PODNL1: variants seen among roughly 807,000 people sequenced by gnomAD.
The protein encoded by PODNL1 is podocan like 1, also known as podocan-like protein 1.
Under a neutral mutation model 45.1 loss-of-function variants are expected in PODNL1, and 50 were observed. That is an observed-to-expected ratio of 1.11 (90% CI 0.88 to 1.40). The LOEUF (loss-of-function observed/expected upper bound fraction) is 1.40. PODNL1 is among the 40% of genes most tolerant of loss of function. The pLI is 0.00. For missense variants in PODNL1, 788 were observed against 793.3 expected (o/e 0.99, Z 0.08); for synonymous variants, 406 against 372.5 (o/e 1.09, Z -1.04).
chr19:13,952,489 C>T, intron 1 of PODNL1: 1 of 1,248,372 alleles, frequency 8.0e-7, no homozygotes, highest in Non-Finnish European at 1.0e-6. Context: ...CCGGTTGCTC[C>T]GGAAGTGGAG....
In PODNL1 at chr19:13,933,979, G is replaced by A. The variant is rs1189844789; in HGVS notation, c.666C>T (p.Ser222=). The A allele has an allele frequency of 6.2e-7, 1 of 1,607,624 alleles. No individual in the cohort carries two copies. Among genetic ancestry groups the A allele is most frequent in the Non-Finnish European group, 8.5e-7 (1 of 1,177,102 alleles). The change falls in exon 7 of 10, where the codon TCC becomes TCT. Residue 222 remains serine (S), a synonymous_variant. Transcript: ENST00000588872. This position sits in a 1 kb window ranked among gnomAD's most constrained non-coding sequence, Gnocchi z 5.2. ...ERLHLQNNLI[S]KVPRGALSRQ... is the part of the protein sequence containing the mutation. ...GGCTCAGGGCTCCTCGGGGCACCTT[G>A]GAGATGAGATTGTTCTGGAGAAGGA... is the stretch of plus-strand genomic sequence containing the variant.
At position 13,933,954 on chromosome 19, in the gene PODNL1, G is replaced by C. The variant is rs769372578; in HGVS notation, c.691C>G (p.Arg231Gly). Reference protein sequence around the residue: ...ISKVPRGALSRQTQLRELYLQ... With the variant: ...ISKVPRGALSGQTQLRELYLQ... Reference sequence around the variant, plus strand: ...TAGAGCTCACGGAGTTGAGTCTGGCGGCTCAGGGCTCCTCGGGGCACCTTG... The same window carrying C: ...TAGAGCTCACGGAGTTGAGTCTGGCCGCTCAGGGCTCCTCGGGGCACCTTG... The change falls in exon 7 of 10, where the codon CGC becomes GGC. Residue 231 changes from arginine to glycine, a missense_variant. Physicochemically the swap from Arg to Gly is moderately radical, Grantham distance 125. Coordinates refer to ENST00000588872, the MANE Select transcript of PODNL1 (RefSeq NM_001370095.3). The surrounding 1 kb of genome is among the most constrained non-coding windows in gnomAD (Gnocchi z 5.2). The C allele has an allele frequency of 1.2e-6, 2 of 1,612,128 alleles. No individual in the cohort carries two copies. The highest frequency in any genetic ancestry group is 2.2e-5 in the East Asian group (1 of 44,828).
In PODNL1 at chr19:13,932,032, G is replaced by T. The variant is rs1971977785; in HGVS notation, c.1506C>A (p.Gly502=). 2 of 1,232,284 alleles carry T rather than the reference G, an allele frequency of 1.6e-6. No individual in the cohort carries two copies. The highest frequency in any genetic ancestry group is 2.0e-6 in the Non-Finnish European group (2 of 988,150). 76.3% of individuals were successfully genotyped at this position (1,232,284 alleles called of 1,614,324 possible). The part of the protein sequence containing the change: ...PEALEELHLE[G]NRIGHVGPEA... ...CGGGGCCCACGTGGCCGATGCGGTT[G>T]CCCTCGAGGTGCAGCTCCTCTAGGG... The change falls in exon 9 of 10, where the codon GGC becomes GGA. Residue 502 remains glycine, a synonymous_variant. Transcript: ENST00000588872.
chr19:13,948,559 C>T (rs563810274), intron 1 of PODNL1, among the ~76,000 whole-genome samples: 1 of 151,346 alleles, frequency 6.6e-6, no homozygotes, highest in African/African-American at 2.4e-5. Context: ...TCAGCATCAC[C>T]TACCCTCCTG....
Position 13,933,290 on chromosome 19 carries a change from C to A in PODNL1, c.933G>T (p.Leu311=), listed in dbSNP as rs1340727223. The stretch of plus-strand genomic sequence containing the variant: ...CTGAGCTCCCCAGCTGGTTGTGCTG[C>A]AGCAACAAATAGCGCAGACCACGCG... ...HGARGLRYLL[L]QHNQLGSSGL... Residue 311 remains leucine, a synonymous_variant, in exon 8 of 10, where the codon CTG becomes CTT. Transcript: ENST00000588872. This position sits in a 1 kb window ranked among gnomAD's most constrained non-coding sequence, Gnocchi z 5.2. The A allele has an allele frequency of 1.3e-6, 2 of 1,579,060 alleles. No homozygotes were observed. The highest frequency in any genetic ancestry group is 2.3e-5 in the East Asian group (1 of 43,702).
intron 1 of PODNL1, among the ~76,000 whole-genome samples, chr19:13,950,637 G>C (rs1256864942): frequency 6.6e-6 from 1 of 152,200 alleles, no homozygotes; most frequent in African/African-American, 2.4e-5. Context: ...TGGTGATGTT[G>C]ATTTTGATCA....
chr19:13,933,831 C>T lies in PODNL1; in HGVS notation c.767+47G>A, dbSNP rs1972133652. ...GGAAGGGGGACTGAAGGTTGGGACC[C>T]CCGACTGTAAATTCTCAGCCCCTGC... On this transcript the variant is annotated intron_variant, in intron 7 of 9. Transcript: ENST00000588872. This position sits in a 1 kb window ranked among gnomAD's most constrained non-coding sequence, Gnocchi z 5.2. The T allele has an allele frequency of 6.6e-7, 1 of 1,506,392 alleles. No homozygotes were observed. The highest frequency in any genetic ancestry group is 1.4e-5 in the African/African-American group (1 of 72,198). 93.3% of individuals were successfully genotyped at this position (1,506,392 alleles called of 1,614,324 possible).
chr19:13,931,812 C>G lies in PODNL1; in HGVS notation c.1650G>C (p.Thr550=). 8.1e-7 allele frequency: 1 copy of G among 1,231,824 alleles called. No homozygotes were observed. The highest frequency in any genetic ancestry group is 1.0e-6 in the Non-Finnish European group (1 of 987,880). The allele number at this position is 1,231,824 out of a possible 1,614,324, so 76.3% of individuals were successfully genotyped here. ...LGLPNLRVVD[T]AGNPEQVLIR... is the part of the protein sequence containing the mutation. ...TCAGGACCTGCTCCGGATTCCCTGCCGTGTCCACCACACGCAGGTTTGGGA... is the reference window on the plus strand; with the variant it reads ...TCAGGACCTGCTCCGGATTCCCTGCGGTGTCCACCACACGCAGGTTTGGGA... The change falls in exon 10 of 10, where the codon ACG becomes ACC. Residue 550 remains threonine (T), a synonymous_variant. Transcript: ENST00000588872.
chr19:13,933,346 G>T lies in PODNL1; in HGVS notation c.877C>A (p.Arg293=). 2 of 1,606,460 alleles carry T rather than the reference G, an allele frequency of 1.2e-6. No individual in the cohort carries two copies. Among genetic ancestry groups the T allele is most frequent in the African/African-American group, 1.3e-5 (1 of 75,024 alleles). Residue 293 remains arginine, a synonymous_variant, in exon 8 of 10, where the codon CGG becomes AGG. Coordinates refer to ENST00000588872, the MANE Select transcript of PODNL1 (RefSeq NM_001370095.3). This position sits in a 1 kb window ranked among gnomAD's most constrained non-coding sequence, Gnocchi z 5.2. The stretch of plus-strand genomic sequence containing the variant: ...TGCAGCCGAGCCGCCTCCACCTGCC[G>T]GATGCGGTTGCGGCCCAGGTGCAGG... ...AILHLGRNRI[R]QVEAARLHGA...
chr19:13,952,521 C>T, intron 1 of PODNL1: 3 of 1,250,454 alleles, frequency 2.4e-6, no homozygotes, highest in South Asian at 3.8e-5. Context: ...AAATGGCGCC[C>T]AGCTCGAAAT....
At chr19:13,936,534 TCCC>T (rs1221811132) in intron 2 of PODNL1, 74 bp from the exon 3 acceptor site, 5 of 1,282,242 alleles carry the variant, frequency 3.9e-6, no homozygotes, top group Non-Finnish European at 5.6e-6. Context: ...ATTCTCAACT[TCCC>T]ATCAGCCCAA....
In PODNL1 at chr19:13,932,041, G is replaced by T; in HGVS notation, c.1497C>A (p.His499Gln). Residue 499 changes from histidine to glutamine, a missense_variant, in exon 9 of 10, where the codon CAC (histidine) becomes CAA (glutamine). By Grantham distance (24) the His-to-Gln change is conservative. This residue lies in a region of PODNL1 where 762 missense variants were observed against 750.9 expected (regional missense o/e 1.01). Transcript: ENST00000588872. ...PDLPEALEEL[H>Q]LEGNRIGHVG... ...CGTGGCCGATGCGGTTGCCCTCGAG[G>T]TGCAGCTCCTCTAGGGCCTCAGGCA... is the stretch of plus-strand genomic sequence containing the variant. The T allele has an allele frequency of 8.1e-7, 1 of 1,232,418 alleles. No homozygotes were observed. The highest frequency in any genetic ancestry group is 1.0e-6 in the Non-Finnish European group (1 of 988,156). 76.3% of individuals were successfully genotyped at this position (1,232,418 alleles called of 1,614,324 possible).
At chr19:13,942,859 T>C (rs1421753031), upstream of PODNL1, among the ~76,000 whole-genome samples, 1 of 150,612 alleles carries the variant, frequency 6.6e-6, no homozygotes, top group South Asian at 2.1e-4. Flanking sequence ...AAATTAGCTG[T>C]GTATGGTGGT....
rs1468441797 is a variant in PODNL1, at chr19:13,936,024, C to G, written c.340G>C (p.Glu114Gln). 1 of 1,551,696 alleles carries G rather than the reference C, an allele frequency of 6.4e-7. No individual in the cohort carries two copies. Among genetic ancestry groups the G allele is most frequent in the Non-Finnish European group, 8.7e-7 (1 of 1,148,436 alleles). ...AGGTGCTGCAGCTGGGTGAGGGACT[C>G]GAAGGCCTCGTCAGGCAGGCCTGGG... ...SSEGLPDEAF[E>Q]SLTQLQHLCV... is the part of the protein sequence containing the mutation. The change falls in exon 4 of 10, where the codon GAG becomes CAG. Residue 114 changes from glutamate (E) to glutamine (Q), a missense_variant. Glu to Gln is a conservative substitution (Grantham distance 29, BLOSUM62 2). This residue lies in a region of PODNL1 where 762 missense variants were observed against 750.9 expected (regional missense o/e 1.01). Coordinates refer to ENST00000588872, the MANE Select transcript of PODNL1 (RefSeq NM_001370095.3).
At chr19:13,935,212 G>C (rs1972260458) in intron 5 of PODNL1, among the ~76,000 whole-genome samples, 1 of 152,082 alleles carries the variant, frequency 6.6e-6, no homozygotes, top group Admixed American at 6.5e-5. Flanking sequence ...ACAGCATACA[G>C]GGCCCTGTCT....
chr19:13,942,046 T>A (rs1383166652), upstream of PODNL1, among the ~76,000 whole-genome samples: 1 of 152,112 alleles, frequency 6.6e-6, no homozygotes, highest in Admixed American at 6.5e-5. Flanking sequence ...GTAATGGGGC[T>A]AACCCTAGGG....
chr19:13,938,577 G>C (rs1450042627), upstream of PODNL1: 3 of 595,828 alleles, frequency 5.0e-6, no homozygotes, highest in African/African-American at 2.0e-5. Flanking sequence ...ATGGAGGGAT[G>C]GGGGGAGCTT....
At chr19:13,932,519 G>T in intron 8 of PODNL1, 1 of 761,792 alleles carries the variant, frequency 1.3e-6, no homozygotes, top group African/African-American at 1.8e-5. Context: ...GTGCCACCAC[G>T]CTTGGCTATG....
chr19:13,948,260 G>A (rs1359296347), intron 1 of PODNL1, among the ~76,000 whole-genome samples: 3 of 150,100 alleles, frequency 2.0e-5, no homozygotes, highest in Non-Finnish European at 4.4e-5. Context: ...GTGCAGTGGC[G>A]CAATCTCGGC....
Sources: allele counts gnomAD v4.1 joint callset (sites outside exome capture counted in the v4.1 genomes callset), GRCh38; gene constraint gnomAD v4.1.1; regional missense constraint gnomAD v4.1.1; non-coding constraint Gnocchi (gnomAD v3.1); transcripts MANE v1.5; gene names NCBI Gene and HGNC (gene_info 2026-07-23, HGNC 2026-07-21).